The following DDX46 variants were observed in gnomAD, a reference collection of about 807,000 sequenced individuals.
DDX46 encodes probable ATP-dependent RNA helicase DDX46.
In DDX46, 30 loss-of-function variants were observed where a neutral mutation model predicts 134.9. That is an observed-to-expected ratio of 0.22 (90% CI 0.17 to 0.30). The LOEUF (loss-of-function observed/expected upper bound fraction) is 0.30, where lower values mean the gene tolerates loss of function less well. Ranked by LOEUF, DDX46 falls within the 10% of genes least tolerant of loss-of-function variation. The pLI is 1.00. For missense variants in DDX46, 622 were observed against 1,248.7 expected, an observed-to-expected ratio of 0.50 and a Z score of 7.56; for synonymous variants, 415 against 404.1, an observed-to-expected ratio of 1.03 and a Z score of -0.32.
At position 134,807,960 on chromosome 5, in the gene DDX46, T is replaced by C. The variant is rs781718909; in HGVS notation, c.2148+19T>C. ...AAACAAGGTAAAAATAAGTTTTTTATAGTTGATCTTCATTATATTAAAATA... is the reference window on the plus strand; with the variant it reads ...AAACAAGGTAAAAATAAGTTTTTTACAGTTGATCTTCATTATATTAAAATA... On this transcript the variant is annotated intron_variant, in intron 16 of 22. Transcript: ENST00000452510. 5 of 1,577,828 alleles carry C rather than the reference T, an allele frequency of 3.2e-6. No individual in the cohort carries two copies. The Admixed American group carries it at 7.2e-5, about 23-fold the overall frequency.
rs147902595 is a variant in DDX46 at position 134,806,810 on chromosome 5, G to T, written c.1955-938G>T. ...CCCTTCTCTATTACCAGAGTTTCCT[G>T]GGAACCTCATCATAAAATATTTTGT... On this transcript the variant is annotated intron_variant, in intron 15 of 22. Coordinates refer to ENST00000452510, the MANE Select transcript of DDX46 (RefSeq NM_001300860.2). Among the ~76,000 whole-genome samples the T allele has an allele frequency of 1.0e-2, 1,518 of 152,150 alleles. 29 individuals are homozygous for T. Among genetic ancestry groups the T allele is most frequent in the African/African-American group, 0.035 (1,452 of 41,502 alleles).
chr5:134,780,642 T>A (rs1442112325), intron 6 of DDX46: 1 of 150,626 alleles, frequency 6.6e-6, no homozygotes, highest in East Asian at 1.9e-4. Flanking sequence ...ATACAGTAAA[T>A]TATGAATGGA....
At chr5:134,804,769 T>G (rs1398512457) in intron 15 of DDX46, 1 of 326,312 alleles carries the variant, frequency 3.1e-6, no homozygotes. Context: ...CAAAAATAAT[T>G]TTTAAAATTT....
chr5:134,810,261 CA>C (rs1185898120), intron 16 of DDX46, among the ~76,000 whole-genome samples: 70 of 119,682 alleles, frequency 5.8e-4, no homozygotes, highest in East Asian at 7.0e-4. Flanking sequence ...GACTCCATCT[CA>C]AAAAAAAAAA....
chr5:134,796,577 G>T (rs772645065), intron 15 of DDX46, among the ~76,000 whole-genome samples: 2 of 152,220 alleles, frequency 1.3e-5, no homozygotes, highest in African/African-American at 2.4e-5. Flanking sequence ...CACAGACCGG[G>T]CATGGTAGCT....
rs1294607223 is a variant in DDX46, at chr5:134,762,705, C to G, written c.18-1199C>G. Among the ~76,000 whole-genome samples, 3 of 151,784 alleles carry G rather than the reference C, an allele frequency of 2.0e-5. No individual in the cohort carries two copies. In the South Asian group the frequency reaches 6.2e-4, roughly 32 times the overall value. On this transcript the variant is annotated intron_variant, in intron 1 of 22. Transcript: ENST00000452510. ...CTGAGATGGTGCTATTGCATTCCAGCCTGGGCAACAAGAGTGCGACTCTGT... is the reference window on the plus strand; with the variant it reads ...CTGAGATGGTGCTATTGCATTCCAGGCTGGGCAACAAGAGTGCGACTCTGT...
chr5:134,773,170 C>T (rs1753826325), intron 4 of DDX46, among the ~76,000 whole-genome samples: 2 of 152,106 alleles, frequency 1.3e-5, no homozygotes, highest in Non-Finnish European at 2.9e-5. Flanking sequence ...CTCCTGTGCT[C>T]AAGGGATCCT....
chr5:134,785,693 T>C, intron 11 of DDX46, 107 bp downstream of exon 11: 7 of 1,268,312 alleles, frequency 5.5e-6, no homozygotes, highest in Non-Finnish European at 7.5e-6. Context: ...TGATTGCTTC[T>C]AAAATCATTT....
chr5:134,781,654 A>T (rs1398441204), intron 7 of DDX46, among the ~76,000 whole-genome samples: 1 of 152,248 alleles, frequency 6.6e-6, no homozygotes, highest in East Asian at 1.9e-4. Flanking sequence ...GGCAAAGAAA[A>T]AAAAACTAAG....
chr5:134,800,635 A>G (rs957778763), intron 15 of DDX46, among the ~76,000 whole-genome samples: 6 of 151,952 alleles, frequency 3.9e-5, no homozygotes, highest in Non-Finnish European at 8.8e-5. Context: ...ACCTTTCCCT[A>G]TCCATAACCG....
In DDX46 at chr5:134,818,900, G is replaced by C; in HGVS notation, c.2873G>C (p.Arg958Thr). 2 of 1,613,744 alleles carry C rather than the reference G, an allele frequency of 1.2e-6. No homozygotes were observed. The highest frequency in any genetic ancestry group is 1.7e-6 in the Non-Finnish European group (2 of 1,179,898). ...GTTACCTCTAAGGAAGCTCTGCAGA[G>C]AATCAGTGAATACTCTGAAGCCGCA... ...WKVTSKEALQRISEYSEAAIT... is the reference protein window; with the variant it reads ...WKVTSKEALQTISEYSEAAIT... The change falls in exon 21 of 23, where the codon AGA becomes ACA. Residue 958 changes from arginine (R) to threonine (T), a missense_variant. Coordinates refer to ENST00000452510, the MANE Select transcript of DDX46 (RefSeq NM_001300860.2).
intron 13 of DDX46, among the ~76,000 whole-genome samples, chr5:134,793,001 A>G (rs1754548475): frequency 6.6e-6 from 1 of 152,124 alleles, no homozygotes; most frequent in Non-Finnish European, 1.5e-5. Flanking sequence ...ACAAAAAAAT[A>G]TAAAAATTAG....
intron 9 of DDX46, among the ~76,000 whole-genome samples, chr5:134,783,699 G>A (rs886831331): frequency 6.7e-6 from 1 of 148,768 alleles, no homozygotes. Context: ...ACAGGCATGT[G>A]CCACCATGCC....
chr5:134,764,154 G>T (rs1580768613), intron 2 of DDX46, 62 bp downstream of exon 2: 1 of 1,498,264 alleles, frequency 6.7e-7, no homozygotes, highest in Non-Finnish European at 8.9e-7. Context: ...GCTATAGCAG[G>T]CTTCTTGAAA....
intron 13 of DDX46, among the ~76,000 whole-genome samples, chr5:134,790,927 C>T (rs1263098486): frequency 6.6e-6 from 1 of 152,010 alleles, no homozygotes; most frequent in African/African-American, 2.4e-5. Context: ...TGGGTTCAAG[C>T]GATTCTCCTG....
chr5:134,764,524 CCT>C (rs1434580374), intron 2 of DDX46, among the ~76,000 whole-genome samples: 1 of 152,140 alleles, frequency 6.6e-6, no homozygotes, highest in Non-Finnish European at 1.5e-5. Context: ...CTCATGTGAT[CCT>C]CCCACCTTGG....
intron 6 of DDX46, chr5:134,777,995 C>T: frequency 1.1e-5 from 3 of 262,528 alleles, no homozygotes; most frequent in South Asian, 9.6e-5. Context: ...CTGGAGACTT[C>T]TCTAGCACTC....
chr5:134,808,781 G>A (rs2150155321), intron 16 of DDX46, among the ~76,000 whole-genome samples: 1 of 152,258 alleles, frequency 6.6e-6, no homozygotes, highest in Admixed American at 6.5e-5. Context: ...AGACTAGTCT[G>A]TTGTTGGAGA....
chr5:134,759,693 A>G (rs1323672088), intron 1 of DDX46, among the ~76,000 whole-genome samples: 2 of 152,216 alleles, frequency 1.3e-5, no homozygotes, highest in Non-Finnish European at 2.9e-5. Flanking sequence ...GGAACAATGA[A>G]GGCTTTTGTT....
Sources: allele counts gnomAD v4.1 joint callset (sites outside exome capture counted in the v4.1 genomes callset), GRCh38; gene constraint gnomAD v4.1.1; transcripts MANE v1.5; gene names NCBI Gene and HGNC (gene_info 2026-07-23, HGNC 2026-07-21).